Variants in MAGI2 observed in about 807,000 individuals in gnomAD.
MAGI2 encodes membrane-associated guanylate kinase, WW and PDZ domain-containing protein 2.
A neutral mutation model predicts 133.3 loss-of-function variants in MAGI2; 35 were observed. The ratio of observed to expected loss-of-function variants is 0.26; its 90% CI spans 0.20 to 0.35. The LOEUF (loss-of-function observed/expected upper bound fraction) is 0.35, where lower values mean the gene tolerates loss of function less well. Ranked by LOEUF, MAGI2 falls within the 10% of genes least tolerant of loss-of-function variation. The pLI, the probability that MAGI2 is intolerant of heterozygous loss-of-function variation, is 1.00. For synonymous variants in MAGI2, 729 were observed against 710.6 expected, an observed-to-expected ratio of 1.03 and a Z score of -0.41; for missense variants, 1,636 against 1,863.4, an observed-to-expected ratio of 0.88 and a Z score of 2.25.
intron 6 of MAGI2, among the ~76,000 whole-genome samples, chr7:78,483,113 A>G (rs1194505379): frequency 6.6e-6 from 1 of 151,816 alleles, no homozygotes; most frequent in Non-Finnish European, 1.5e-5. Flanking sequence ...ATAAGTTAAC[A>G]TTGAGAGAGG....
At chr7:79,449,947 T>C (rs1849129080) in intron 1 of MAGI2, among the ~76,000 whole-genome samples, 1 of 146,780 alleles carries the variant, frequency 6.8e-6, no homozygotes, top group Non-Finnish European at 1.5e-5. Flanking sequence ...CCTTTTAAAA[T>C]TATGACAGAT....
chr7:78,878,989 A>G lies in MAGI2; in HGVS notation c.418+128101T>C, dbSNP rs183231981. Among the ~76,000 whole-genome samples, 260 of 152,254 alleles carry G rather than the reference A, an allele frequency of 1.7e-3. 1 individual carries two copies. The highest frequency in any genetic ancestry group is 1.4e-3 in the Non-Finnish European group (92 of 68,028). ...TCTTCCTGTGTAGAGACTATAGTTC[A>G]GTAGGGCCCCTATGCTTCATGCCTA... On this transcript the variant is annotated intron_variant, in intron 2 of 21. Transcript: ENST00000354212.
intron 1 of MAGI2, among the ~76,000 whole-genome samples, chr7:79,007,848 A>G (rs1200501706): frequency 6.6e-6 from 1 of 152,060 alleles, no homozygotes; most frequent in Non-Finnish European, 1.5e-5. Context: ...ATTTTGTAGT[A>G]TATCTACAAA....
intron 20 of MAGI2, among the ~76,000 whole-genome samples, chr7:78,086,159 T>A (rs1204484711): frequency 6.6e-6 from 1 of 152,070 alleles, no homozygotes; most frequent in Non-Finnish European, 1.5e-5. Context: ...CTGATATTAA[T>A]CTCATACAGA....
intron 2 of MAGI2, among the ~76,000 whole-genome samples, chr7:78,875,385 A>C (rs1400475284): frequency 6.6e-6 from 1 of 152,196 alleles, no homozygotes; most frequent in African/African-American, 2.4e-5. Flanking sequence ...AACCACAGAA[A>C]GAATGTCTCC....
intron 2 of MAGI2, among the ~76,000 whole-genome samples, chr7:78,884,603 A>G (rs1796126256): frequency 6.6e-6 from 1 of 152,178 alleles, no homozygotes; most frequent in Non-Finnish European, 1.5e-5. Context: ...AGAAATACAA[A>G]TCAAAACCAC....
At chr7:78,443,873 G>C (rs913651191) in intron 6 of MAGI2, among the ~76,000 whole-genome samples, 3 of 152,112 alleles carry the variant, frequency 2.0e-5, no homozygotes, top group African/African-American at 7.2e-5. Flanking sequence ...AACATGACCT[G>C]TCATTCCTCT....
chr7:78,882,129 A>G (rs1332966004), intron 2 of MAGI2, among the ~76,000 whole-genome samples: 9 of 147,776 alleles, frequency 6.1e-5, no homozygotes, highest in South Asian at 2.2e-4. Flanking sequence ...ACAAAAAAAA[A>G]AGAGAGAGAG....
intron 2 of MAGI2, among the ~76,000 whole-genome samples, chr7:78,738,465 T>C (rs1004575228): frequency 5.9e-5 from 9 of 152,194 alleles, no homozygotes; most frequent in South Asian, 2.1e-4. Context: ...AGTCACATTA[T>C]GGTATTGATG....
chr7:78,983,452 A>G (rs970599793), intron 2 of MAGI2, among the ~76,000 whole-genome samples: 1 of 151,896 alleles, frequency 6.6e-6, no homozygotes, highest in African/African-American at 2.4e-5. Flanking sequence ...ATTAGAGTAG[A>G]ATGTTCTCTT....
At chr7:79,254,429 G>A (rs1365545662) in intron 1 of MAGI2, among the ~76,000 whole-genome samples, 1 of 152,048 alleles carries the variant, frequency 6.6e-6, no homozygotes, top group Non-Finnish European at 1.5e-5. Flanking sequence ...TACTTACAAA[G>A]GCCATCTTAC....
intron 1 of MAGI2, among the ~76,000 whole-genome samples, chr7:79,252,676 T>C (rs1833396268): frequency 6.6e-6 from 1 of 152,230 alleles, no homozygotes. Context: ...CTTCATGTAC[T>C]ATTACACGTT....
chr7:79,125,601 T>C, intron 1 of MAGI2: 2 of 506,586 alleles, frequency 3.9e-6, no homozygotes, highest in Non-Finnish European at 7.9e-6. Context: ...ACTCTGGTGG[T>C]GGTAGTGAAA....
At chr7:79,292,315 A>G (rs1243303293) in intron 1 of MAGI2, among the ~76,000 whole-genome samples, 2 of 152,066 alleles carry the variant, frequency 1.3e-5, no homozygotes, top group Non-Finnish European at 2.9e-5. Context: ...TGATTACTGT[A>G]TCTTTGTAGC....
intron 1 of MAGI2, among the ~76,000 whole-genome samples, chr7:79,365,086 A>G (rs920725981): frequency 6.6e-6 from 1 of 152,202 alleles, no homozygotes; most frequent in Non-Finnish European, 1.5e-5. Context: ...AGACATGAAC[A>G]TTCATTTCAC....
rs530585761 is a variant in MAGI2, at chr7:79,390,714, T to A, written c.301+62306A>T. Among the ~76,000 whole-genome samples, 3 of 152,320 alleles carry A rather than the reference T, an allele frequency of 2.0e-5. No individual in the cohort carries two copies. The East Asian group carries it at 5.8e-4, about 29-fold the overall frequency. On this transcript the variant is annotated intron_variant, in intron 1 of 21. Coordinates refer to ENST00000354212, the MANE Select transcript of MAGI2 (RefSeq NM_012301.4). ...AGAGTTCCGTGCAATCCCCTCTTCCTATTCTTCGAAGCGTGGATTTTATGA... is the reference window on the plus strand; with the variant it reads ...AGAGTTCCGTGCAATCCCCTCTTCCAATTCTTCGAAGCGTGGATTTTATGA...
At chr7:78,768,756 AATT>A (rs932798748) in intron 2 of MAGI2, among the ~76,000 whole-genome samples, 10 of 152,204 alleles carry the variant, frequency 6.6e-5, no homozygotes, top group African/African-American at 1.4e-4. Context: ...AAATTTAAAG[AATT>A]ATTATTTTTT....
intron 9 of MAGI2, among the ~76,000 whole-genome samples, chr7:78,341,228 A>G (rs1280426579): frequency 1.3e-5 from 2 of 152,212 alleles, no homozygotes; most frequent in Admixed American, 1.3e-4. Context: ...CAAAGAGAAT[A>G]AAATACTAGG....
intron 2 of MAGI2, among the ~76,000 whole-genome samples, chr7:78,867,591 A>C (rs1413933532): frequency 6.6e-6 from 1 of 150,854 alleles, no homozygotes; most frequent in Non-Finnish European, 1.5e-5. Flanking sequence ...ACCTAATGCT[A>C]GATGACAAGT....
Sources: gnomAD v4.1 joint callset for allele counts (sites outside exome capture counted in the v4.1 genomes callset) on GRCh38, gnomAD v4.1.1 for gene constraint, MANE v1.5 for transcripts, NCBI Gene and HGNC (gene_info 2026-07-23, HGNC 2026-07-21) for gene names.